PLCH1: variants seen among roughly 807,000 people sequenced by gnomAD.
PLCH1 encodes phospholipase C eta 1, also known as 1-phosphatidylinositol 4,5-bisphosphate phosphodiesterase eta-1.
PLCH1 carries 60 observed loss-of-function variants against 126.7 expected under a neutral mutation model. The ratio of observed to expected loss-of-function variants is 0.47; its 90% CI spans 0.38 to 0.59. The LOEUF is 0.59. Among genes scored for constraint, PLCH1 ranks in the 20% least tolerant of loss-of-function variants. PLCH1 has a pLI of 0.00. For synonymous variants in PLCH1, 719 were observed against 734.9 expected, an observed-to-expected ratio of 0.98 and a Z score of 0.35; for missense variants, 1,723 against 2,040.0, an observed-to-expected ratio of 0.84 and a Z score of 2.99.
chr3:155,582,995 T>C (rs1290720081), intron 6 of PLCH1, among the ~76,000 whole-genome samples: 2 of 151,780 alleles, frequency 1.3e-5, no homozygotes, highest in African/African-American at 4.8e-5. Flanking sequence ...GAATTACCAA[T>C]GACCTACCAC....
At chr3:155,502,873 G>T (rs113288108) in intron 13 of PLCH1, among the ~76,000 whole-genome samples, 19 of 152,292 alleles carry the variant, frequency 1.2e-4, no homozygotes, top group African/African-American at 4.3e-4. Flanking sequence ...TTGTGATAAT[G>T]ACTAATCTGA....
intron 14 of PLCH1, among the ~76,000 whole-genome samples, chr3:155,499,168 T>C (rs1717522946): frequency 1.3e-5 from 2 of 152,200 alleles, no homozygotes; most frequent in Admixed American, 6.5e-5. Context: ...TGTCCAACAA[T>C]GTTGAGCACA....
chr3:155,581,679 G>C (rs1385951331), intron 6 of PLCH1, among the ~76,000 whole-genome samples: 1 of 152,004 alleles, frequency 6.6e-6, no homozygotes, highest in African/African-American at 2.4e-5. Context: ...AATAGGTTTG[G>C]GGTTTCTTCT....
chr3:155,469,427 G>A (rs1390693681), intron 21 of PLCH1, among the ~76,000 whole-genome samples: 1 of 152,076 alleles, frequency 6.6e-6, no homozygotes, highest in African/African-American at 2.4e-5. Context: ...AGGGTCCTAC[G>A]CCCATGGAGT....
chr3:155,707,497 T>G (rs989758085), intron 1 of PLCH1, among the ~76,000 whole-genome samples: 1 of 152,006 alleles, frequency 6.6e-6, no homozygotes, highest in Non-Finnish European at 1.5e-5. Context: ...AAAACCAGCC[T>G]GGCCAACAAG....
At chr3:155,645,729 T>A (rs965055651) in intron 2 of PLCH1, among the ~76,000 whole-genome samples, 6 of 151,912 alleles carry the variant, frequency 3.9e-5, no homozygotes, top group Non-Finnish European at 8.8e-5. Flanking sequence ...CCTCCCAAAG[T>A]GCTGGGAGAA....
chr3:155,632,704 A>G (rs1489181135), intron 2 of PLCH1, among the ~76,000 whole-genome samples: 1 of 152,232 alleles, frequency 6.6e-6, no homozygotes, highest in Non-Finnish European at 1.5e-5. Flanking sequence ...GAGTGTTCTT[A>G]AAGTTATATC....
At chr3:155,529,589 G>T (rs1208367278) in intron 10 of PLCH1, among the ~76,000 whole-genome samples, 1 of 152,108 alleles carries the variant, frequency 6.6e-6, no homozygotes, top group Non-Finnish European at 1.5e-5. Flanking sequence ...TCTAAAAAAA[G>T]TACATACGTT....
chr3:155,494,216 T>C lies in PLCH1; in HGVS notation c.2107A>G (p.Met703Val). 1 of 1,614,146 alleles carries C rather than the reference T, an allele frequency of 6.2e-7. No individual in the cohort carries two copies. Among genetic ancestry groups the C allele is most frequent in the Non-Finnish European group, 8.5e-7 (1 of 1,179,998 alleles). The change falls in exon 17 of 23, where the codon ATG (methionine) becomes GTG (valine). Residue 703 changes from methionine to valine, a missense_variant. This residue lies in a region of PLCH1 where 776 missense variants were observed against 1,062.9 expected (regional missense o/e 0.73). Transcript: ENST00000460012. ...ALNYQSEGRM[M>V]QLNRAKFKAN... ...TTGAATTTGGCTCGGTTTAACTGCA[T>C]CATTCGTCCTTCAGATTGATAATTC...
intron 4 of PLCH1, among the ~76,000 whole-genome samples, chr3:155,593,108 A>C (rs906324545): frequency 1.3e-5 from 2 of 152,174 alleles, no homozygotes; most frequent in Non-Finnish European, 2.9e-5. Flanking sequence ...TAATGACGGC[A>C]AGGGAGTAGC....
rs1219759376 is a variant in PLCH1, at chr3:155,565,062, C to T, written c.922G>A (p.Glu308Lys). ...ACDIFNPLHH[E>K]VYQDMDQPLC... ...GGCTGATCCATGTCTTGGTACACTT[C>T]ATGGTGCAATGGGTTAAATATGTCA... The change falls in exon 8 of 23, where the codon GAA (glutamate) becomes AAA (lysine). Residue 308 changes from glutamate (E) to lysine (K), a missense_variant. Glu to Lys is a moderately conservative substitution (Grantham distance 56). This residue lies in a region of PLCH1 where 776 missense variants were observed against 1,062.9 expected (regional missense o/e 0.73). Transcript: ENST00000460012. The T allele has an allele frequency of 1.9e-6, 3 of 1,613,814 alleles. No individual in the cohort carries two copies. Among genetic ancestry groups the T allele is most frequent in the Non-Finnish European group, 2.5e-6 (3 of 1,179,850 alleles).
At chr3:155,611,216 C>T (rs559606979) in intron 2 of PLCH1, among the ~76,000 whole-genome samples, 1 of 152,068 alleles carries the variant, frequency 6.6e-6, no homozygotes, top group African/African-American at 2.4e-5. Flanking sequence ...ATGGCAAACC[C>T]CCTCTCTATT....
chr3:155,682,562 C>T (rs1313666373), intron 2 of PLCH1, among the ~76,000 whole-genome samples: 3 of 152,200 alleles, frequency 2.0e-5, no homozygotes, highest in Non-Finnish European at 4.4e-5. Flanking sequence ...ACACATACCC[C>T]ACATGAGCCT....
At chr3:155,572,415 G>T (rs1729339225) in intron 6 of PLCH1, among the ~76,000 whole-genome samples, 1 of 152,128 alleles carries the variant, frequency 6.6e-6, no homozygotes, top group Non-Finnish European at 1.5e-5. Context: ...AGGACCAGTT[G>T]TTGTTTGCTA....
chr3:155,612,918 A>AAAAAAAAG (rs1177627419), intron 2 of PLCH1, among the ~76,000 whole-genome samples: 5 of 151,508 alleles, frequency 3.3e-5, no homozygotes, highest in Admixed American at 2.0e-4. Flanking sequence ...TAAAAAAAAA[A>AAAAAAAAG]AAAAAAAGAA....
At chr3:155,591,944 G>A (rs986726534) in intron 4 of PLCH1, among the ~76,000 whole-genome samples, 2 of 151,996 alleles carry the variant, frequency 1.3e-5, no homozygotes, top group Non-Finnish European at 2.9e-5. Flanking sequence ...GGCCTCAAGT[G>A]ATCCTTCCCC....
intron 8 of PLCH1, among the ~76,000 whole-genome samples, chr3:155,562,252 G>A (rs1226801836): frequency 6.6e-6 from 1 of 152,144 alleles, no homozygotes; most frequent in Non-Finnish European, 1.5e-5. Context: ...GCTCACCCAT[G>A]ACACAATCTG....
At chr3:155,628,972 A>C (rs942099774) in intron 2 of PLCH1, among the ~76,000 whole-genome samples, 1 of 152,230 alleles carries the variant, frequency 6.6e-6, no homozygotes, top group South Asian at 2.1e-4. Flanking sequence ...TGCAAGCCCA[A>C]TAAAGCAAAA....
intron 21 of PLCH1, among the ~76,000 whole-genome samples, chr3:155,470,094 G>T (rs1713130535): frequency 6.6e-6 from 1 of 152,046 alleles, no homozygotes; most frequent in Non-Finnish European, 1.5e-5. Flanking sequence ...TTGACGAGCT[G>T]AGAGAAGAAG....
Sources: gnomAD v4.1 joint callset for allele counts (sites outside exome capture counted in the v4.1 genomes callset) on GRCh38, gnomAD v4.1.1 for gene constraint, gnomAD v4.1.1 regional missense constraint, MANE v1.5 for transcripts, NCBI Gene and HGNC (gene_info 2026-07-23, HGNC 2026-07-21) for gene names.